Variants in RET observed in about 807,000 individuals in gnomAD.
The protein encoded by RET is ret proto-oncogene, also known as proto-oncogene tyrosine-protein kinase receptor Ret.
RET carries 19 observed loss-of-function variants against 118.3 expected under a neutral mutation model. The ratio of observed to expected loss-of-function variants is 0.16; its 90% CI spans 0.11 to 0.24. The LOEUF (loss-of-function observed/expected upper bound fraction) is 0.24, where lower values mean the gene tolerates loss of function less well. Ranked by LOEUF, RET falls within the 10% of genes least tolerant of loss-of-function variation. The pLI is 1.00. For synonymous variants in RET, 597 were observed against 644.1 expected (o/e 0.93, Z 1.11); for missense variants, 1,219 against 1,502.1 (o/e 0.81, Z 3.12).
intron 2 of RET, among the ~76,000 whole-genome samples, chr10:43,101,254 G>T (rs1837637318): frequency 6.6e-6 from 1 of 152,100 alleles, no homozygotes; most frequent in South Asian, 2.1e-4. Flanking sequence ...GGGGTGGGGG[G>T]GAAGCAGAGC....
intron 1 of RET, among the ~76,000 whole-genome samples, chr10:43,083,611 T>C (rs555105497): frequency 6.6e-6 from 1 of 152,206 alleles, no homozygotes; most frequent in East Asian, 1.9e-4. Context: ...CCAGGAGGCT[T>C]CAAGTACAGA....
In RET at chr10:43,100,691, C is replaced by T. The variant is rs1588862691; in HGVS notation, c.306C>T (p.Asp102=). 2 of 1,607,600 alleles carry T rather than the reference C, an allele frequency of 1.2e-6. No homozygotes were observed. Among genetic ancestry groups the T allele is most frequent in the Non-Finnish European group, 1.7e-6 (2 of 1,177,224 alleles). Residue 102 remains aspartate (D), a synonymous_variant, in exon 2 of 20, where the codon GAC becomes GAT. Transcript: ENST00000355710. ...TGLLYLNRSL[D]HSSWEKLSVR... is the part of the protein sequence containing the mutation. ...TCCTCTACCTTAACCGGAGCCTGGA[C>T]CATAGCTCCTGGGAGAAGCTCAGTG...
chr10:43,089,639 G>A (rs778253145), intron 1 of RET, among the ~76,000 whole-genome samples: 60 of 152,200 alleles, frequency 3.9e-4, no homozygotes, highest in Non-Finnish European at 8.5e-4. Context: ...TGTGTACCAG[G>A]GCCGACAGCA....
rs1282018603 is a variant in RET at position 43,118,497 on chromosome 10, G to C, written c.2392+17G>C. ...GCCAGGATGGTAAGGCCAGCTGCAG[G>C]GTGAGGTGGGCAGCCACTGCACCCA... On this transcript the variant is annotated intron_variant, in intron 13 of 19. Coordinates refer to ENST00000355710, the MANE Select transcript of RET (RefSeq NM_020975.6). The C allele has an allele frequency of 6.3e-7, 1 of 1,594,296 alleles. No homozygotes were observed. The highest frequency in any genetic ancestry group is 1.7e-5 in the Admixed American group (1 of 59,958).
In RET at chr10:43,123,157, C is replaced by T. The variant is rs185872173; in HGVS notation, c.2802-514C>T. On this transcript the variant is annotated intron_variant, in intron 16 of 19. Transcript: ENST00000355710. ...GCTGTTTTGTGATATGATTTTGTTC[C>T]CATTGCAAAGCGAGTTTTCCTTCAC... 1.4e-3 allele frequency among the ~76,000 whole-genome samples: 211 copies of T among 152,232 alleles called. 1 individual carries two copies. The highest frequency in any genetic ancestry group is 3.4e-3 in the Middle Eastern group (1 of 294).
Position 43,128,241 on chromosome 10 carries a change from C to G in RET, c.3317C>G (p.Ala1106Gly), listed in dbSNP as rs1338777037. The G allele has an allele frequency of 6.2e-7, 1 of 1,614,036 alleles. No homozygotes were observed. Among genetic ancestry groups the G allele is most frequent in the African/African-American group, 1.3e-5 (1 of 74,904 alleles). The change falls in exon 20 of 20, where the codon GCA (alanine) becomes GGA (glycine). Residue 1106 changes from alanine (A) to glycine (G), a missense_variant. Physicochemically the swap from Ala to Gly is moderately conservative, Grantham distance 60. Transcript: ENST00000355710. ...YANWMLSPSAAKLMDTFDS is the reference protein window; with the variant it reads ...YANWMLSPSAGKLMDTFDS ...AACTGGATGCTTTCACCCTCAGCGG[C>G]AAAATTAATGGACACGTTTGATAGT...
chr10:43,095,902 G>A (rs1314822392), intron 1 of RET, among the ~76,000 whole-genome samples: 1 of 152,234 alleles, frequency 6.6e-6, no homozygotes, highest in African/African-American at 2.4e-5. Context: ...CCAGCCTGAG[G>A]AACCAGAACC....
In RET at chr10:43,119,556, C is replaced by T. The variant is rs553418132; in HGVS notation, c.2418C>T (p.Tyr806=). The change falls in exon 14 of 20, where the codon TAC becomes TAT. Residue 806 remains tyrosine, a synonymous_variant. Transcript: ENST00000355710. ...QDGPLLLIVE[Y]AKYGSLRGFL... Reference sequence around the variant, plus strand: ...GCCCGCTCCTCCTCATCGTGGAGTACGCCAAATACGGCTCCCTGCGGGGCT... The same window carrying T: ...GCCCGCTCCTCCTCATCGTGGAGTATGCCAAATACGGCTCCCTGCGGGGCT... 7.3e-5 allele frequency: 118 copies of T among 1,607,952 alleles called. No homozygotes were observed. The highest frequency in any genetic ancestry group is 3.8e-4 in the Middle Eastern group (2 of 5,242).
At position 43,119,163 on chromosome 10, in the gene RET, C is replaced by T. The variant is rs142866355; in HGVS notation, c.2393-368C>T. Among the ~76,000 whole-genome samples, 8 of 152,278 alleles carry T rather than the reference C, an allele frequency of 5.3e-5. No individual in the cohort carries two copies. The East Asian group carries it at 5.8e-4, about 11-fold the overall frequency. Reference sequence around the variant, plus strand: ...CGCCAGGCAGGAACCCTTGCATCTGCGCAGGCCTCTGCCTCCATCAGCATC... The same window carrying T: ...CGCCAGGCAGGAACCCTTGCATCTGTGCAGGCCTCTGCCTCCATCAGCATC... On this transcript the variant is annotated intron_variant, in intron 13 of 19. Coordinates refer to ENST00000355710, the MANE Select transcript of RET (RefSeq NM_020975.6).
intron 2 of RET, 74 bp downstream of exon 2, chr10:43,100,796 T>C (rs997144242): frequency 6.9e-7 from 1 of 1,453,006 alleles, no homozygotes; most frequent in Non-Finnish European, 9.2e-7. Context: ...TCACAGCCGC[T>C]GACACTGAAG....
chr10:43,082,951 AC>A (rs1422308920), intron 1 of RET, among the ~76,000 whole-genome samples: 4 of 152,118 alleles, frequency 2.6e-5, no homozygotes, highest in Non-Finnish European at 5.9e-5. Context: ...ACTGGCACAG[AC>A]CCGGCAGCTG....
In RET at chr10:43,118,465, G is replaced by A. The variant is rs2132931656; in HGVS notation, c.2377G>A (p.Ala793Thr). 1 of 1,613,838 alleles carries A rather than the reference G, an allele frequency of 6.2e-7. No homozygotes were observed. The highest frequency in any genetic ancestry group is 2.2e-5 in the East Asian group (1 of 44,876). The change falls in exon 13 of 20, where the codon GCC (alanine) becomes ACC (threonine). Residue 793 changes from alanine to threonine, a missense_variant. Coordinates refer to ENST00000355710, the MANE Select transcript of RET (RefSeq NM_020975.6). ...NHPHVIKLYG[A>T]CSQDGPLLLI... The stretch of plus-strand genomic sequence containing the variant: ...CCCACATGTCATCAAATTGTATGGG[G>A]CCTGCAGCCAGGATGGTAAGGCCAG...
chr10:43,114,598 G>C lies in RET; in HGVS notation c.1998G>C (p.Lys666Asn), dbSNP rs146646971. 5.6e-6 allele frequency: 9 copies of C among 1,612,836 alleles called. No individual in the cohort carries two copies. Among genetic ancestry groups the C allele is most frequent in the Middle Eastern group, 1.6e-4 (1 of 6,084 alleles). Residue 666 changes from lysine (K) to asparagine (N), a missense_variant, in exon 11 of 20, where the codon AAG becomes AAC. Around this residue, in one of 5 missense-constraint regions of RET, gnomAD observed 850 missense variants for 969.6 expected, o/e 0.88. Transcript: ENST00000355710. The surrounding 1 kb of genome is among the most constrained non-coding windows in gnomAD (Gnocchi z 4.6). Reference sequence around the variant, plus strand: ...ACTGCTACCACAAGTTTGCCCACAAGCCACCCATCTCCTCAGCTGAGATGA... The same window carrying C: ...ACTGCTACCACAAGTTTGCCCACAACCCACCCATCTCCTCAGCTGAGATGA... ...CIHCYHKFAH[K>N]PPISSAEMTF...
intron 18 of RET, among the ~76,000 whole-genome samples, chr10:43,125,963 A>G (rs1195194300): frequency 6.6e-6 from 1 of 152,216 alleles, no homozygotes; most frequent in Non-Finnish European, 1.5e-5. Flanking sequence ...CCCTCTGTGC[A>G]CATTCAAGCT....
intron 1 of RET, among the ~76,000 whole-genome samples, chr10:43,087,740 G>GTTATAAATACAA (rs1409622004): frequency 3.3e-5 from 5 of 152,202 alleles, no homozygotes; most frequent in Non-Finnish European, 1.5e-5. Context: ...ACAACAGCGG[G>GTTATAAATACAA]CAGGATGAGC....
chr10:43,110,069 C>A (rs1035060597), intron 6 of RET, among the ~76,000 whole-genome samples: 1 of 152,162 alleles, frequency 6.6e-6, no homozygotes, highest in African/African-American at 2.4e-5. Flanking sequence ...GGGAGCCCAC[C>A]CTTGGACATA....
rs534094626 is a variant in RET, at chr10:43,116,681, A to G, written c.2234A>G (p.His745Arg). ...FGKVVKATAF[H>R]LKGRAGYTTV... is the part of the protein sequence containing the mutation. The stretch of plus-strand genomic sequence containing the variant: ...AAAGTGGTCAAGGCAACGGCCTTCC[A>G]TCTGAAAGGCAGAGCAGGGTACACC... Residue 745 changes from histidine to arginine, a missense_variant, in exon 12 of 20, where the codon CAT (histidine) becomes CGT (arginine). Physicochemically the swap from His to Arg is conservative, Grantham distance 29 (BLOSUM62 0). Transcript: ENST00000355710. 2 of 1,612,618 alleles carry G rather than the reference A, an allele frequency of 1.2e-6. No homozygotes were observed. Among genetic ancestry groups the G allele is most frequent in the Non-Finnish European group, 1.7e-6 (2 of 1,179,118 alleles).
intron 17 of RET, among the ~76,000 whole-genome samples, chr10:43,124,084 C>A (rs906228528): frequency 6.6e-6 from 1 of 152,126 alleles, no homozygotes; most frequent in Admixed American, 6.5e-5. Context: ...GCTGTCCCAG[C>A]AGGACACTTA....
At chr10:43,116,050 C>T (rs749750799) in intron 11 of RET, among the ~76,000 whole-genome samples, 1 of 152,152 alleles carries the variant, frequency 6.6e-6, no homozygotes, top group African/African-American at 2.4e-5. Context: ...GGAAGGCATC[C>T]GGAGCAGTCC....
Sources: allele counts gnomAD v4.1 joint callset (sites outside exome capture counted in the v4.1 genomes callset), GRCh38; gene constraint gnomAD v4.1.1; regional missense constraint gnomAD v4.1.1; non-coding constraint Gnocchi (gnomAD v3.1); transcripts MANE v1.5; gene names NCBI Gene and HGNC (gene_info 2026-07-23, HGNC 2026-07-21).